The following FBN2 variants were observed in gnomAD, a reference collection of about 807,000 sequenced individuals.
The protein encoded by FBN2 is fibrillin-2.
A neutral mutation model predicts 355.6 loss-of-function variants in FBN2; 105 were observed. The observed-to-expected ratio is 0.30, with a 90% CI of 0.25 to 0.35. The LOEUF is 0.35. FBN2 is among the 10% of genes least tolerant of loss of function. FBN2 has a pLI of 1.00. For missense variants in FBN2, 3,280 were observed against 3,758.7 expected, an observed-to-expected ratio of 0.87 and a Z score of 3.33; for synonymous variants, 1,350 against 1,301.2, an observed-to-expected ratio of 1.04 and a Z score of -0.81.
At chr5:128,369,122 A>T (rs1348791989) in intron 16 of FBN2, 60 bp downstream of exon 16, 2 of 1,557,980 alleles carry the variant, frequency 1.3e-6, no homozygotes, top group African/African-American at 2.7e-5. Context: ...TCTTTGGCCA[A>T]ACATCTAAGG....
At chr5:128,261,691 C>T (rs770748766) in intron 64 of FBN2, 45 bp downstream of exon 64, 58 of 1,591,554 alleles carry the variant, frequency 3.6e-5, no homozygotes, top group South Asian at 1.1e-4. Flanking sequence ...TACATGACTC[C>T]GTAGGGATAA....
At chr5:128,313,015 A>T (rs952624357) in intron 36 of FBN2, among the ~76,000 whole-genome samples, 1 of 152,208 alleles carries the variant, frequency 6.6e-6, no homozygotes, top group African/African-American at 2.4e-5. Context: ...AGAAATCCAC[A>T]TAGACCATAT....
At chr5:128,400,028 C>T (rs1752756261) in intron 8 of FBN2, among the ~76,000 whole-genome samples, 1 of 151,528 alleles carries the variant, frequency 6.6e-6, no homozygotes, top group South Asian at 2.1e-4. Flanking sequence ...CAAAGATTTA[C>T]AGACTGTAAA....
chr5:128,296,622 T>C (rs1180707701), intron 48 of FBN2, among the ~76,000 whole-genome samples: 31 of 152,222 alleles, frequency 2.0e-4, no homozygotes, highest in Admixed American at 3.9e-4. Flanking sequence ...AGTTTATTTG[T>C]GTAGAGGTGT....
intron 16 of FBN2, 131 bp downstream of exon 16, chr5:128,369,051 C>T (rs1751859304): frequency 1.1e-6 from 1 of 923,582 alleles, no homozygotes; most frequent in South Asian, 1.4e-5. Flanking sequence ...CATATCAATA[C>T]AGGATTGGAT....
intron 48 of FBN2, among the ~76,000 whole-genome samples, chr5:128,296,328 G>A (rs1442133491): frequency 6.6e-6 from 1 of 152,080 alleles, no homozygotes; most frequent in Non-Finnish European, 1.5e-5. Context: ...CCCGGCTTTG[G>A]TATCAGGATG....
intron 7 of FBN2, among the ~76,000 whole-genome samples, chr5:128,421,025 C>T (rs1393498385): frequency 6.6e-6 from 1 of 152,148 alleles, no homozygotes; most frequent in African/African-American, 2.4e-5. Context: ...GGGAGGAGTT[C>T]TTCCAGACAA....
At chr5:128,486,769 C>T (rs151207856) in intron 5 of FBN2, among the ~76,000 whole-genome samples, 143 of 152,228 alleles carry the variant, frequency 9.4e-4, no homozygotes, top group Non-Finnish European at 1.6e-3. Context: ...CCATCCCTCC[C>T]CCATCCCCCC....
At chr5:128,536,105 G>A (rs1448346207) in intron 2 of FBN2, among the ~76,000 whole-genome samples, 2 of 152,102 alleles carry the variant, frequency 1.3e-5, no homozygotes, top group Non-Finnish European at 2.9e-5. Flanking sequence ...CTAGATAATT[G>A]CTCTACTCCT....
rs373257454 is a variant in FBN2, at chr5:128,444,357, C to A, written c.952+2124G>T. Among the ~76,000 whole-genome samples the A allele has an allele frequency of 2.6e-5, 4 of 152,122 alleles. No homozygotes were observed. In the South Asian group the frequency reaches 8.3e-4, roughly 31 times the overall value. On this transcript the variant is annotated intron_variant, in intron 7 of 64. Transcript: ENST00000262464. ...AAAGTGCTGGGATTACAGGCGTGAG[C>A]CACCGCGCCCGGCCCACTTGTTCTT...
chr5:128,416,800 CTTGTAATATATTT>C (rs1753212383), intron 7 of FBN2, among the ~76,000 whole-genome samples: 1 of 151,994 alleles, frequency 6.6e-6, no homozygotes, highest in Non-Finnish European at 1.5e-5. Flanking sequence ...TTACTAGAGC[CTTGTAATATATTT>C]TTGAAGTCAG....
At position 128,289,789 on chromosome 5, in the gene FBN2, T is replaced by G. The variant is rs912587249; in HGVS notation, c.6511+93A>C. 6 of 759,260 alleles carry G rather than the reference T, an allele frequency of 7.9e-6. No homozygotes were observed. In the African/African-American group the frequency reaches 1.1e-4, roughly 13 times the overall value. 47.0% of individuals were successfully genotyped at this position (759,260 alleles called of 1,614,324 possible). On this transcript the variant is annotated intron_variant, in intron 51 of 64. Coordinates refer to ENST00000262464, the MANE Select transcript of FBN2 (RefSeq NM_001999.4). ...CCATTAAATACAATATACTATATGT[T>G]ACATAGTAAAGTTAGCATGAGTTAT...
At chr5:128,411,565 C>G (rs1299488115) in intron 7 of FBN2, among the ~76,000 whole-genome samples, 1 of 152,206 alleles carries the variant, frequency 6.6e-6, no homozygotes. Context: ...GCCTCTTCTC[C>G]TCTCGACATT....
rs562642623 is a variant in FBN2 at position 128,425,923 on chromosome 5, C to A, written c.953-17124G>T. 5.9e-5 allele frequency among the ~76,000 whole-genome samples: 9 copies of A among 151,666 alleles called. No homozygotes were observed. In the South Asian group the frequency reaches 8.4e-4, roughly 14 times the overall value. The stretch of plus-strand genomic sequence containing the variant: ...CTTGACAGTTTACATTCATATGTAC[C>A]CTATTTAAATTTAAAAAGTAGCTGC... On this transcript the variant is annotated intron_variant, in intron 7 of 64. Transcript: ENST00000262464.
intron 5 of FBN2, among the ~76,000 whole-genome samples, chr5:128,494,297 G>A (rs1035070191): frequency 4.6e-5 from 7 of 152,164 alleles, no homozygotes; most frequent in African/African-American, 7.2e-5. Context: ...AATAGATAAA[G>A]TAGGGAAGTT....
At chr5:128,512,615 G>T (rs558014848) in intron 5 of FBN2, among the ~76,000 whole-genome samples, 20 of 151,320 alleles carry the variant, frequency 1.3e-4, no homozygotes, top group Non-Finnish European at 2.8e-4. Flanking sequence ...CACAGGCCAC[G>T]GCACTTCATT....
chr5:128,476,569 T>C (rs1755009763), intron 5 of FBN2, among the ~76,000 whole-genome samples: 1 of 151,924 alleles, frequency 6.6e-6, no homozygotes, highest in Non-Finnish European at 1.5e-5. Flanking sequence ...CTAAAATCCA[T>C]TAAGAGGATA....
Position 128,443,128 on chromosome 5 carries a change from A to G in FBN2, c.952+3353T>C, listed in dbSNP as rs372552126. 2.6e-5 allele frequency among the ~76,000 whole-genome samples: 4 copies of G among 152,234 alleles called. No homozygotes were observed. In the South Asian group the frequency reaches 8.3e-4, roughly 32 times the overall value. ...CTAAAAAGCAAAGGTCCTTGACATC[A>G]GAAGCATTACCTGCAGGTGACCAAA... On this transcript the variant is annotated intron_variant, in intron 7 of 64. Transcript: ENST00000262464.
At chr5:128,416,644 C>T (rs992913936) in intron 7 of FBN2, among the ~76,000 whole-genome samples, 1 of 152,142 alleles carries the variant, frequency 6.6e-6, no homozygotes, top group African/African-American at 2.4e-5. Context: ...CCAGTTTTCC[C>T]AGCACCATTT....
Sources: allele counts gnomAD v4.1 joint callset (sites outside exome capture counted in the v4.1 genomes callset), GRCh38; gene constraint gnomAD v4.1.1; transcripts MANE v1.5; gene names NCBI Gene and HGNC (gene_info 2026-07-23, HGNC 2026-07-21).